Variants in CFAP58 observed in about 807,000 individuals in gnomAD.
The protein encoded by CFAP58 is cilia- and flagella-associated protein 58.
Under a neutral mutation model 119.5 loss-of-function variants are expected in CFAP58, and 88 were observed. The ratio of observed to expected loss-of-function variants is 0.74; its 90% CI spans 0.62 to 0.88. The LOEUF is 0.88. Ranked by LOEUF, CFAP58 falls within the 40% of genes least tolerant of loss-of-function variation. CFAP58 has a pLI of 0.00. For missense variants in CFAP58, 990 were observed against 1,021.2 expected, an observed-to-expected ratio of 0.97 and a Z score of 0.42; for synonymous variants, 365 against 366.3, an observed-to-expected ratio of 1.00 and a Z score of 0.04.
rs11812461 is a variant in CFAP58, at chr10:104,382,144, C to G, written c.1365+1924C>G. 2.0e-3 allele frequency: 1,414 copies of G among 717,400 alleles called. 20 individuals carry two copies. The African/African-American group carries it at 0.022, about 11-fold the overall frequency. The allele number at this position is 717,400 out of a possible 1,614,324, so 44.4% of individuals were successfully genotyped here. A position where few individuals can be genotyped will look rare whatever the true frequency, so the allele number is the denominator to read the frequency against. On this transcript the variant is annotated intron_variant, in intron 9 of 17. Transcript: ENST00000369704. ...TTTCCAGGCTGACTCTGTCAGGATGCCCTGGCCTCTGGACAAAGGGAAATG... is the reference window on the plus strand; with the variant it reads ...TTTCCAGGCTGACTCTGTCAGGATGGCCTGGCCTCTGGACAAAGGGAAATG...
At chr10:104,379,008 A>C (rs987802415) in intron 8 of CFAP58, among the ~76,000 whole-genome samples, 2 of 151,494 alleles carry the variant, frequency 1.3e-5, no homozygotes, top group Non-Finnish European at 2.9e-5. Context: ...ATTTTTAAAA[A>C]ACTGAGTTAA....
chr10:104,442,442 G>C (rs955439869), intron 15 of CFAP58, among the ~76,000 whole-genome samples: 3 of 152,086 alleles, frequency 2.0e-5, no homozygotes, highest in African/African-American at 7.2e-5. Flanking sequence ...ACAAAAATTA[G>C]CTGGGCGTGG....
intron 13 of CFAP58, among the ~76,000 whole-genome samples, chr10:104,403,511 C>CTTTTT (rs572839157): frequency 2.3e-5 from 3 of 133,116 alleles, no homozygotes; most frequent in Non-Finnish European, 3.2e-5. Context: ...AGCCCTGGCA[C>CTTTTT]TTTTTTTTTT....
intron 17 of CFAP58, among the ~76,000 whole-genome samples, chr10:104,450,669 TTTTATTTATTTA>T (rs3069011): frequency 8.6e-4 from 123 of 143,344 alleles, no homozygotes; most frequent in Middle Eastern, 3.6e-3. Context: ...TTCACCTATG[TTTTATTTATTTA>T]TTTATTTATT....
At chr10:104,432,543 A>AC (rs2012865694) in intron 15 of CFAP58, among the ~76,000 whole-genome samples, 3 of 151,284 alleles carry the variant, frequency 2.0e-5, no homozygotes, top group African/African-American at 7.3e-5. Flanking sequence ...TCGCTCTGTC[A>AC]CCAGGCTAGA....
intron 15 of CFAP58, among the ~76,000 whole-genome samples, chr10:104,416,224 A>G (rs2012551014): frequency 6.6e-6 from 1 of 152,214 alleles, no homozygotes; most frequent in African/African-American, 2.4e-5. Flanking sequence ...TGATGAGTGG[A>G]AGCACACTAC....
At chr10:104,445,976 G>A (rs1196358669) in intron 15 of CFAP58, among the ~76,000 whole-genome samples, 2 of 152,146 alleles carry the variant, frequency 1.3e-5, no homozygotes, top group Non-Finnish European at 2.9e-5. Flanking sequence ...TCATTGTGAG[G>A]TTCTTTCCTT....
rs576487022 is a variant in CFAP58, at chr10:104,445,300, G to A, written c.2257-2398G>A. On this transcript the variant is annotated intron_variant, in intron 15 of 17. Coordinates refer to ENST00000369704, the MANE Select transcript of CFAP58 (RefSeq NM_001008723.2). ...ATTGTGCCACTGTACTCCAGCCTGC[G>A]TGACAGAGTGAGACCCGGTCTCAAA... Among the ~76,000 whole-genome samples, 10 of 147,952 alleles carry A rather than the reference G, an allele frequency of 6.8e-5. No individual in the cohort carries two copies. The East Asian group carries it at 1.0e-3, about 15-fold the overall frequency.
chr10:104,382,961 AG>A (rs2011848201), intron 9 of CFAP58, among the ~76,000 whole-genome samples: 1 of 152,214 alleles, frequency 6.6e-6, no homozygotes, highest in Admixed American at 6.5e-5. Flanking sequence ...TTGGGGCTGG[AG>A]GAACCAATCC....
intron 15 of CFAP58, among the ~76,000 whole-genome samples, chr10:104,422,598 G>A (rs2012679040): frequency 6.6e-6 from 1 of 152,130 alleles, no homozygotes; most frequent in South Asian, 2.1e-4. Flanking sequence ...GGTTCATTTG[G>A]GTGGGATCAT....
intron 1 of CFAP58, among the ~76,000 whole-genome samples, chr10:104,354,747 T>C (rs1229694834): frequency 6.6e-6 from 1 of 152,278 alleles, no homozygotes; most frequent in African/African-American, 2.4e-5. Context: ...ACAAAGTCTC[T>C]TCAAAAATTA....
intron 16 of CFAP58, among the ~76,000 whole-genome samples, chr10:104,449,138 T>G (rs1328298715): frequency 2.0e-5 from 3 of 150,432 alleles, no homozygotes; most frequent in African/African-American, 7.4e-5. Context: ...TCTTTGTTTC[T>G]AAAAGTTTAA....
chr10:104,372,469 G>A (rs576770823), intron 7 of CFAP58, among the ~76,000 whole-genome samples: 1 of 152,284 alleles, frequency 6.6e-6, no homozygotes, highest in African/African-American at 2.4e-5. Flanking sequence ...TGCAGTTCCA[G>A]CTTATCTCAA....
At chr10:104,387,575 C>G (rs972330307) in intron 9 of CFAP58, among the ~76,000 whole-genome samples, 1 of 152,138 alleles carries the variant, frequency 6.6e-6, no homozygotes, top group African/African-American at 2.4e-5. Flanking sequence ...AGGATTACAG[C>G]AGTTTTTATC....
chr10:104,352,624 A>G (rs1212383734), upstream of CFAP58, among the ~76,000 whole-genome samples: 6 of 152,178 alleles, frequency 3.9e-5, no homozygotes, highest in Admixed American at 2.6e-4. Flanking sequence ...AACTTTAACA[A>G]TCTTACTCCT....
At chr10:104,426,181 G>A (rs1291010526) in intron 15 of CFAP58, among the ~76,000 whole-genome samples, 1 of 152,216 alleles carries the variant, frequency 6.6e-6, no homozygotes, top group Non-Finnish European at 1.5e-5. Flanking sequence ...CGAGGCTGCA[G>A]TGAGCTGTGA....
chr10:104,380,525 G>C (rs1459235008), intron 9 of CFAP58, among the ~76,000 whole-genome samples: 1 of 151,946 alleles, frequency 6.6e-6, no homozygotes, highest in Non-Finnish European at 1.5e-5. Context: ...CTGGCACCAG[G>C]GCTGCCAGCA....
intron 1 of CFAP58, among the ~76,000 whole-genome samples, chr10:104,357,792 CAT>C (rs143375072): frequency 0.024 from 3,565 of 145,828 alleles, 141 homozygotes; most frequent in African/African-American, 0.055. Flanking sequence ...TGTTTATATA[CAT>C]ATATATACAC....
chr10:104,346,524 T>A, the CFAP58 span, among the ~76,000 whole-genome samples: 15 of 151,156 alleles, frequency 9.9e-5, no homozygotes, highest in East Asian at 5.8e-4. Flanking sequence ...ATTAAAAAAA[T>A]TTTTTTTTGT....
Sources: allele counts gnomAD v4.1 joint callset (sites outside exome capture counted in the v4.1 genomes callset), GRCh38; gene constraint gnomAD v4.1.1; transcripts MANE v1.5; gene names NCBI Gene and HGNC (gene_info 2026-07-23, HGNC 2026-07-21).